The following BCR variants were observed in gnomAD, a reference collection of about 807,000 sequenced individuals.
BCR encodes breakpoint cluster region protein.
In BCR, 58 loss-of-function variants were observed where a neutral mutation model predicts 138.6. That is an observed-to-expected ratio of 0.42 (90% CI 0.34 to 0.52). The LOEUF is 0.52. BCR is among the 20% of genes least tolerant of loss of function. BCR has a pLI of 0.06. For missense variants in BCR, 1,599 were observed against 1,727.2 expected, an observed-to-expected ratio of 0.93 and a Z score of 1.32; for synonymous variants, 786 against 730.1, an observed-to-expected ratio of 1.08 and a Z score of -1.23.
intron 3 of BCR, 128 bp downstream of exon 3, chr22:23,261,182 T>C (rs1352749976): frequency 6.6e-6 from 8 of 1,207,482 alleles, no homozygotes; most frequent in Non-Finnish European, 9.5e-6. Flanking sequence ...CTGGAGTGGA[T>C]ACCAGTGGAA....
At chr22:23,207,879 G>A (rs1414102045) in intron 1 of BCR, among the ~76,000 whole-genome samples, 3 of 152,260 alleles carry the variant, frequency 2.0e-5, no homozygotes, top group East Asian at 1.9e-4. Flanking sequence ...TGGAGTGTGC[G>A]ACTGCCATAG....
chr22:23,227,918 A>G (rs2072912497), intron 1 of BCR, among the ~76,000 whole-genome samples: 1 of 152,132 alleles, frequency 6.6e-6, no homozygotes, highest in Non-Finnish European at 1.5e-5. Context: ...AGCACCATGA[A>G]TGGTTAGGGG....
intron 2 of BCR, among the ~76,000 whole-genome samples, chr22:23,258,956 C>G (rs1456464502): frequency 6.6e-6 from 1 of 152,252 alleles, no homozygotes; most frequent in Non-Finnish European, 1.5e-5. Flanking sequence ...CCCGCACCCA[C>G]ACACTTTCCT....
chr22:23,218,347 C>T lies in BCR; in HGVS notation c.1280-35452C>T, dbSNP rs181411162. Among the ~76,000 whole-genome samples the T allele has an allele frequency of 3.9e-5, 6 of 152,356 alleles. No individual in the cohort carries two copies. In the East Asian group the frequency reaches 5.8e-4, roughly 15 times the overall value. ...AACTGTGTTCCCTTCCCTAACCCAC[C>T]GGGTTTAAACTTTTTACTTGCTAGC... On this transcript the variant is annotated intron_variant, in intron 1 of 22. Transcript: ENST00000305877.
chr22:23,187,278 C>CTTTT (rs3055923), intron 1 of BCR, among the ~76,000 whole-genome samples: 2 of 114,540 alleles, frequency 1.7e-5, no homozygotes, highest in South Asian at 2.9e-4. Context: ...GCTTAAAATA[C>CTTTT]TTTTTTTTTT....
chr22:23,264,141 T>A, intron 4 of BCR: 1 of 1,515,920 alleles, frequency 6.6e-7, no homozygotes, highest in South Asian at 1.1e-5. Flanking sequence ...CAGCACCCTG[T>A]ACTGCCTGCA....
intron 16 of BCR, among the ~76,000 whole-genome samples, chr22:23,303,909 A>G (rs889959951): frequency 1.4e-5 from 2 of 144,354 alleles, no homozygotes; most frequent in African/African-American, 5.2e-5. Flanking sequence ...GAATATTTCT[A>G]TCACCCCAAT....
At chr22:23,268,101 A>C (rs116962577) in intron 4 of BCR, among the ~76,000 whole-genome samples, 2,475 of 152,318 alleles carry the variant, frequency 0.016, 32 homozygotes, top group Non-Finnish European at 0.024. Context: ...CTCAAACTTC[A>C]GCTGCCGCTC....
intron 8 of BCR, among the ~76,000 whole-genome samples, chr22:23,277,059 T>A (rs1374756600): frequency 6.6e-6 from 1 of 152,220 alleles, no homozygotes; most frequent in Non-Finnish European, 1.5e-5. Context: ...CTGACGACAC[T>A]AGCCAGGAAA....
chr22:23,308,275 T>C (rs2073970175), intron 16 of BCR, among the ~76,000 whole-genome samples: 1 of 152,206 alleles, frequency 6.6e-6, no homozygotes, highest in Non-Finnish European at 1.5e-5. Flanking sequence ...GTCAGTTCTC[T>C]GCAGGTGGAA....
chr22:23,265,471 C>T (rs773696396), intron 4 of BCR, among the ~76,000 whole-genome samples: 11 of 152,316 alleles, frequency 7.2e-5, no homozygotes, highest in East Asian at 1.9e-4. Context: ...TTCCCAGCTC[C>T]GGTGCCTCTT....
intron 10 of BCR, 52 bp from the exon 11 acceptor site, chr22:23,287,107 G>A: frequency 6.4e-7 from 1 of 1,558,180 alleles, no homozygotes; most frequent in Admixed American, 1.9e-5. Flanking sequence ...AATGGGAGTG[G>A]GTTGTGTGGA....
intron 1 of BCR, among the ~76,000 whole-genome samples, chr22:23,218,968 CT>C (rs1390443218): frequency 6.6e-6 from 1 of 152,176 alleles, no homozygotes; most frequent in Non-Finnish European, 1.5e-5. Context: ...GAGCGGCCAG[CT>C]GGTGCCGGGT....
Position 23,315,490 on chromosome 22 carries a change from A to G in BCR, c.3784A>G (p.Arg1262Gly), listed in dbSNP as rs770034354. The G allele has an allele frequency of 1.2e-5, 19 of 1,612,648 alleles. No homozygotes were observed. Among genetic ancestry groups the G allele is most frequent in the South Asian group, 4.4e-5 (4 of 91,036 alleles). Residue 1262 changes from arginine (R) to glycine (G), a missense_variant, in exon 23 of 23, where the codon AGA becomes GGA. Physicochemically the swap from Arg to Gly is moderately radical, Grantham distance 125. Around this residue, in one of 4 missense-constraint regions of BCR, gnomAD observed 177 missense variants for 226.4 expected, o/e 0.78. Coordinates refer to ENST00000305877, the MANE Select transcript of BCR (RefSeq NM_004327.4). ...GGCCATCCCTGCCCCGGACAGCAAG[A>G]GACAGAGCATCCTGTTCTCCACCGA... ...LEAIPAPDSK[R>G]QSILFSTEV
intron 16 of BCR, among the ~76,000 whole-genome samples, chr22:23,303,099 A>G (rs1173729089): frequency 6.6e-6 from 1 of 151,890 alleles, no homozygotes; most frequent in African/African-American, 2.4e-5. Context: ...TGCATGTAAC[A>G]GTACTTGCTT....
At chr22:23,209,359 C>CAA (rs111327033) in intron 1 of BCR, among the ~76,000 whole-genome samples, 28 of 149,336 alleles carry the variant, frequency 1.9e-4, no homozygotes, top group African/African-American at 5.2e-4. Context: ...GACTCTGTCT[C>CAA]AAAAAAAAAG....
rs150763160 is a variant in BCR, at chr22:23,213,206, A to T, written c.1279+30967A>T. 2.6e-3 allele frequency among the ~76,000 whole-genome samples: 401 copies of T among 152,288 alleles called. 4 individuals carry two copies. Among genetic ancestry groups the T allele is most frequent in the Admixed American group, 4.0e-3 (61 of 15,298 alleles). The stretch of plus-strand genomic sequence containing the variant: ...CCCTGCAGCCATCTCTCCACAGACA[A>T]TCATGGCCCTGAGCTTGGCTGTCCT... On this transcript the variant is annotated intron_variant, in intron 1 of 22. Coordinates refer to ENST00000305877, the MANE Select transcript of BCR (RefSeq NM_004327.4).
chr22:23,212,887 A>G (rs143730129), intron 1 of BCR, among the ~76,000 whole-genome samples: 1 of 152,356 alleles, frequency 6.6e-6, no homozygotes, highest in African/African-American at 2.4e-5. Context: ...AATATGAATT[A>G]CTTGGTCATA....
chr22:23,247,545 C>G (rs886774938), intron 1 of BCR, among the ~76,000 whole-genome samples: 2 of 152,196 alleles, frequency 1.3e-5, no homozygotes, highest in Non-Finnish European at 1.5e-5. Flanking sequence ...TTGCTCCCAT[C>G]TCACCCTGGG....
Sources: gnomAD v4.1 joint callset for allele counts (sites outside exome capture counted in the v4.1 genomes callset) on GRCh38, gnomAD v4.1.1 for gene constraint, gnomAD v4.1.1 regional missense constraint, MANE v1.5 for transcripts, NCBI Gene and HGNC (gene_info 2026-07-23, HGNC 2026-07-21) for gene names.